The following MECOM variants were observed in gnomAD, a reference collection of about 807,000 sequenced individuals.
The protein encoded by MECOM is MDS1 and EVI1 complex locus, also known as histone-lysine N-methyltransferase MECOM.
MECOM carries 13 observed loss-of-function variants against 116.3 expected under a neutral mutation model. The observed-to-expected ratio is 0.11, with a 90% CI of 0.07 to 0.18. MECOM has a LOEUF of 0.18. Among genes scored for constraint, MECOM ranks in the 10% least tolerant of loss-of-function variants. The probability of loss-of-function intolerance (pLI) is 1.00; values close to 1 mark genes in which losing one functional copy is unlikely to be tolerated. For synonymous variants in MECOM, 528 were observed against 535.2 expected, an observed-to-expected ratio of 0.99 and a Z score of 0.19; for missense variants, 1,299 against 1,509.0, an observed-to-expected ratio of 0.86 and a Z score of 2.31.
intron 1 of MECOM, among the ~76,000 whole-genome samples, chr3:169,544,103 G>C (rs370014951): frequency 2.9e-4 from 44 of 152,142 alleles, no homozygotes; most frequent in Non-Finnish European, 4.3e-4. Context: ...GGCCAGGCTG[G>C]TCTTGAACTC....
In MECOM at chr3:169,146,085, G is replaced by C. The variant is rs950933090; in HGVS notation, c.376-2253C>G. Reference sequence around the variant, plus strand: ...AAAATAAAGTAACGACACATCTTCAGTCATTTCATATAACACACTCCTGTG... The same window carrying C: ...AAAATAAAGTAACGACACATCTTCACTCATTTCATATAACACACTCCTGTG... On this transcript the variant is annotated intron_variant, in intron 2 of 16. Transcript: ENST00000651503. 3 of 289,448 alleles carry C rather than the reference G, an allele frequency of 1.0e-5. No homozygotes were observed. In the Admixed American group the frequency reaches 1.6e-4, roughly 16 times the overall value. The allele number at this position is 289,448 out of a possible 1,614,324, so 17.9% of individuals were successfully genotyped here. A position where few individuals can be genotyped will look rare whatever the true frequency, so the allele number is the denominator to read the frequency against.
At chr3:169,438,307 G>A (rs184896008) in intron 1 of MECOM, among the ~76,000 whole-genome samples, 53 of 152,084 alleles carry the variant, frequency 3.5e-4, no homozygotes, top group Admixed American at 1.9e-3. Context: ...AAGTTTCTGA[G>A]TCAAAATTTG....
intron 1 of MECOM, among the ~76,000 whole-genome samples, chr3:169,566,524 G>C (rs1175598985): frequency 6.6e-6 from 1 of 152,126 alleles, no homozygotes; most frequent in Non-Finnish European, 1.5e-5. Flanking sequence ...ATGCAATGGG[G>C]CTTTACCTAT....
intron 2 of MECOM, among the ~76,000 whole-genome samples, chr3:169,345,955 A>G (rs1368185325): frequency 6.6e-6 from 1 of 152,140 alleles, no homozygotes; most frequent in African/African-American, 2.4e-5. Context: ...CTGATAAACA[A>G]TAACACACAG....
In MECOM at chr3:169,444,373, C is replaced by T. The variant is rs145115050; in HGVS notation, c.38-62849G>A. Among the ~76,000 whole-genome samples, 1,107 of 152,204 alleles carry T rather than the reference C, an allele frequency of 7.3e-3. 10 individuals carry two copies. The highest frequency in any genetic ancestry group is 0.024 in the African/African-American group (998 of 41,528). ...TCTCCCAGAATTCCCACGCATTGTC[C>T]GAGAAACCCATGGGGAGGTAATTGA... On this transcript the variant is annotated intron_variant, in intron 1 of 16. Transcript: ENST00000651503.
At chr3:169,155,140 T>C (rs1203812312) in intron 2 of MECOM, among the ~76,000 whole-genome samples, 1 of 152,240 alleles carries the variant, frequency 6.6e-6, no homozygotes, top group African/African-American at 2.4e-5. Context: ...TATGGCTAAA[T>C]GTATGGGGAA....
chr3:169,662,878 C>G (rs1331616349), intron 1 of MECOM, among the ~76,000 whole-genome samples: 1 of 152,026 alleles, frequency 6.6e-6, no homozygotes, highest in East Asian at 2.0e-4. Flanking sequence ...TGCCGGCCCC[C>G]CATCCCCCGC....
intron 2 of MECOM, among the ~76,000 whole-genome samples, chr3:169,176,498 CA>C (rs1175344195): frequency 6.6e-6 from 1 of 151,762 alleles, no homozygotes; most frequent in Non-Finnish European, 1.5e-5. Context: ...ATGTAAGACC[CA>C]AAACCATAAA....
intron 1 of MECOM, among the ~76,000 whole-genome samples, chr3:169,661,631 G>T (rs1372299504): frequency 1.3e-5 from 2 of 152,208 alleles, no homozygotes; most frequent in Non-Finnish European, 2.9e-5. Context: ...CTGGAAAGGC[G>T]CCTGGGATGA....
At chr3:169,534,356 G>A (rs941777908) in intron 1 of MECOM, among the ~76,000 whole-genome samples, 2 of 152,034 alleles carry the variant, frequency 1.3e-5, no homozygotes, top group Non-Finnish European at 2.9e-5. Context: ...ATATGCTCTG[G>A]TAGAGATAGC....
At chr3:169,144,153 A>G (rs1738992779) in intron 2 of MECOM, among the ~76,000 whole-genome samples, 2 of 152,198 alleles carry the variant, frequency 1.3e-5, no homozygotes, top group African/African-American at 4.8e-5. Context: ...TGAACAGCGT[A>G]TATTAACATA....
At chr3:169,539,249 C>A (rs1352309337) in intron 1 of MECOM, among the ~76,000 whole-genome samples, 1 of 152,104 alleles carries the variant, frequency 6.6e-6, no homozygotes, top group African/African-American at 2.4e-5. Context: ...GTGCTAGTTT[C>A]CTCTCAGAGG....
At chr3:169,220,535 C>T (rs77144091) in intron 2 of MECOM, among the ~76,000 whole-genome samples, 5 of 151,992 alleles carry the variant, frequency 3.3e-5, no homozygotes, top group Non-Finnish European at 7.4e-5. Context: ...AGTGCAGTAG[C>T]TCGATTTTGG....
At position 169,374,794 on chromosome 3, in the gene MECOM, G is replaced by A. The variant is rs972359187; in HGVS notation, c.375+6393C>T. 7.2e-5 allele frequency among the ~76,000 whole-genome samples: 11 copies of A among 151,874 alleles called. No individual in the cohort carries two copies. The South Asian group carries it at 2.1e-3, about 29-fold the overall frequency. Reference sequence around the variant, plus strand: ...ATACTTTTAATCCCAGCACTTTGGGGAGCCAAGGTAAGAGGATCACTTGAG... The same window carrying A: ...ATACTTTTAATCCCAGCACTTTGGGAAGCCAAGGTAAGAGGATCACTTGAG... On this transcript the variant is annotated intron_variant, in intron 2 of 16. Transcript: ENST00000651503.
At chr3:169,458,286 C>G (rs1475922790) in intron 1 of MECOM, among the ~76,000 whole-genome samples, 1 of 152,196 alleles carries the variant, frequency 6.6e-6, no homozygotes, top group East Asian at 1.9e-4. Flanking sequence ...CTTAACCATT[C>G]TTTACACCTC....
chr3:169,124,812 A>G (rs1732289932), intron 5 of MECOM, among the ~76,000 whole-genome samples: 1 of 152,096 alleles, frequency 6.6e-6, no homozygotes, highest in Non-Finnish European at 1.5e-5. Context: ...AAACTTATTT[A>G]GAAAAGAAAA....
chr3:169,201,257 ATGTG>A (rs59517316), intron 2 of MECOM, among the ~76,000 whole-genome samples: 120,382 of 150,236 alleles, frequency 0.8, 48,249 homozygotes, highest in East Asian at 0.86. Flanking sequence ...TTTAGACAAG[ATGTG>A]TGTGTGTGTG....
At chr3:169,201,460 T>C (rs1377419965) in intron 2 of MECOM, among the ~76,000 whole-genome samples, 1 of 152,094 alleles carries the variant, frequency 6.6e-6, no homozygotes, top group South Asian at 2.1e-4. Context: ...CTGAATTAAA[T>C]GGCTCCTTTA....
intron 2 of MECOM, among the ~76,000 whole-genome samples, chr3:169,213,082 T>C (rs1056937417): frequency 3.9e-5 from 6 of 152,076 alleles, no homozygotes; most frequent in African/African-American, 1.4e-4. Context: ...TTTTTTATTT[T>C]TTTTAATACT....
Sources: allele counts gnomAD v4.1 joint callset (sites outside exome capture counted in the v4.1 genomes callset), GRCh38; gene constraint gnomAD v4.1.1; transcripts MANE v1.5; gene names NCBI Gene and HGNC (gene_info 2026-07-23, HGNC 2026-07-21).